Variants in SP4 observed in about 807,000 individuals in gnomAD.
The protein encoded by SP4 is Sp4 transcription factor, also known as transcription factor Sp4.
In SP4, 19 loss-of-function variants were observed where a neutral mutation model predicts 72.8. The observed-to-expected ratio is 0.26, with a 90% CI of 0.18 to 0.38. The LOEUF is 0.38. Among genes scored for constraint, SP4 ranks in the 10% least tolerant of loss-of-function variants. The pLI, the probability that SP4 is intolerant of heterozygous loss-of-function variation, is 1.00. For synonymous variants in SP4, 395 were observed against 333.1 expected (o/e 1.19, Z -2.02); for missense variants, 1,008 against 926.3 (o/e 1.09, Z -1.14).
intron 5 of SP4, among the ~76,000 whole-genome samples, chr7:21,496,583 TTC>T (rs1781713492): frequency 1.3e-5 from 2 of 152,252 alleles, no homozygotes; most frequent in African/African-American, 4.8e-5. Context: ...GTCTTTGTCT[TTC>T]AGCAGTTTGA....
At position 21,430,002 on chromosome 7, in the gene SP4, G is replaced by T. The variant is rs754415868; in HGVS notation, c.837G>T (p.Gly279=). ...TAAACAACGTGGCTGCCGGAGGAGG[G>T]ACTGGGCAGGTTGGCCAGCCTGCTG... ...PVINNVAAGG[G]TGQVGQPAAT... is the part of the protein sequence containing the mutation. Residue 279 remains glycine (G), a synonymous_variant, in exon 3 of 6, where the codon GGG becomes GGT. Transcript: ENST00000222584. The T allele has an allele frequency of 1.9e-6, 3 of 1,614,036 alleles. No homozygotes were observed. Among genetic ancestry groups the T allele is most frequent in the South Asian group, 2.2e-5 (2 of 91,080 alleles).
chr7:21,494,261 CA>C (rs1473458525), intron 5 of SP4, among the ~76,000 whole-genome samples: 1 of 152,138 alleles, frequency 6.6e-6, no homozygotes, highest in Non-Finnish European at 1.5e-5. Flanking sequence ...TCTTATTCAC[CA>C]TAGTACTGGA....
intron 3 of SP4, among the ~76,000 whole-genome samples, chr7:21,463,591 A>G (rs1193038977): frequency 1.3e-5 from 2 of 152,202 alleles, no homozygotes; most frequent in Non-Finnish European, 1.5e-5. Flanking sequence ...CAAAGTGAGG[A>G]TGAAGATTGA....
chr7:21,488,909 T>C (rs1784898575), intron 5 of SP4, among the ~76,000 whole-genome samples: 1 of 152,248 alleles, frequency 6.6e-6, no homozygotes, highest in South Asian at 2.1e-4. Context: ...TTATTGTAGA[T>C]ACTTTGCCTA....
chr7:21,489,591 G>A (rs867430742), intron 5 of SP4, among the ~76,000 whole-genome samples: 237 of 122,756 alleles, frequency 1.9e-3, no homozygotes, highest in African/African-American at 6.2e-3. Context: ...ATGGAGTCTC[G>A]CTCTGTCACC....
chr7:21,504,101 TTTC>T (rs149244356), intron 5 of SP4, among the ~76,000 whole-genome samples: 1,695 of 152,276 alleles, frequency 0.011, 25 homozygotes, highest in African/African-American at 0.038. Context: ...CATAGTCTAA[TTTC>T]TTCGTCCAGG....
chr7:21,461,626 C>G (rs1306488766), intron 3 of SP4, among the ~76,000 whole-genome samples: 3 of 152,172 alleles, frequency 2.0e-5, no homozygotes, highest in Non-Finnish European at 4.4e-5. Flanking sequence ...CGTGCCTCTC[C>G]CTCCACACCT....
At chr7:21,433,650 C>G (rs545607842) in intron 3 of SP4, among the ~76,000 whole-genome samples, 19 of 152,256 alleles carry the variant, frequency 1.2e-4, no homozygotes, top group Non-Finnish European at 5.9e-5. Flanking sequence ...TTGTAAGACA[C>G]TAAGAGTGGG....
At chr7:21,480,808 T>C (rs1428548724) in intron 4 of SP4, among the ~76,000 whole-genome samples, 1 of 152,232 alleles carries the variant, frequency 6.6e-6, no homozygotes, top group African/African-American at 2.4e-5. Context: ...TTAACTGCCT[T>C]TTGAAACCAT....
At position 21,428,667 on chromosome 7, in the gene SP4, T is replaced by C; in HGVS notation, c.8-10T>C. On this transcript the variant is annotated splice_polypyrimidine_tract_variant and intron_variant, in intron 1 of 5. Coordinates refer to ENST00000222584, the MANE Select transcript of SP4 (RefSeq NM_003112.5). ...TTGTCGTGTGTGTGTGGTGGGGGGG[T>C]TTGTTGCAGATCAGAAGAAGGAGGA... 1 of 1,518,682 alleles carries C rather than the reference T, an allele frequency of 6.6e-7. No homozygotes were observed. Among genetic ancestry groups the C allele is most frequent in the Non-Finnish European group, 8.9e-7 (1 of 1,122,514 alleles). 94.1% of individuals were successfully genotyped at this position (1,518,682 alleles called of 1,614,324 possible).
intron 3 of SP4, among the ~76,000 whole-genome samples, chr7:21,455,267 T>G (rs990238295): frequency 3.3e-5 from 5 of 152,208 alleles, no homozygotes; most frequent in African/African-American, 1.2e-4. Flanking sequence ...CCCACACCAC[T>G]TGCAATTAAC....
intron 3 of SP4, among the ~76,000 whole-genome samples, chr7:21,439,427 T>C (rs1396790158): frequency 6.6e-6 from 1 of 152,178 alleles, no homozygotes; most frequent in Non-Finnish European, 1.5e-5. Context: ...GGGCTTTTAG[T>C]GTGTGCATCA....
chr7:21,490,063 A>C lies in SP4; in HGVS notation c.2107+7940A>C, dbSNP rs193105463. Among the ~76,000 whole-genome samples, 92 of 152,356 alleles carry C rather than the reference A, an allele frequency of 6.0e-4. 2 individuals carry two copies. In the East Asian group the frequency reaches 0.012, roughly 20 times the overall value. On this transcript the variant is annotated intron_variant, in intron 5 of 5. Coordinates refer to ENST00000222584, the MANE Select transcript of SP4 (RefSeq NM_003112.5). ...AAGTTATCTACAACTTGTCTGTTCC[A>C]TTGACTACACTAAAAACTCTGGACA...
At chr7:21,508,229 C>T (rs898078452) in intron 5 of SP4, among the ~76,000 whole-genome samples, 10 of 152,130 alleles carry the variant, frequency 6.6e-5, no homozygotes, top group African/African-American at 2.4e-4. Flanking sequence ...AGACAGGCCC[C>T]CAGGTTTGTG....
chr7:21,458,410 C>T (rs749938372), intron 3 of SP4, among the ~76,000 whole-genome samples: 2 of 152,184 alleles, frequency 1.3e-5, no homozygotes, highest in African/African-American at 4.8e-5. Context: ...TCTTGAACTC[C>T]TGACCTCAGG....
At chr7:21,479,856 T>C (rs1035692577) in intron 4 of SP4, among the ~76,000 whole-genome samples, 2 of 152,242 alleles carry the variant, frequency 1.3e-5, no homozygotes, top group African/African-American at 4.8e-5. Flanking sequence ...TAAATTCCAA[T>C]TTTATTTCTG....
chr7:21,510,882 T>G (rs1447184859), intron 5 of SP4, 140 bp from the exon 6 acceptor site: 2 of 763,920 alleles, frequency 2.6e-6, no homozygotes, highest in Non-Finnish European at 4.0e-6. Context: ...TTTGATAACG[T>G]TTTTAAATAA....
chr7:21,509,627 C>T (rs1782093165), intron 5 of SP4, among the ~76,000 whole-genome samples: 1 of 151,044 alleles, frequency 6.6e-6, no homozygotes, highest in African/African-American at 2.5e-5. Flanking sequence ...TTGTTTGTAA[C>T]AATAATAAGG....
At chr7:21,504,928 T>C (rs977006841) in intron 5 of SP4, among the ~76,000 whole-genome samples, 3 of 152,050 alleles carry the variant, frequency 2.0e-5, no homozygotes, top group Admixed American at 2.0e-4. Context: ...CCCTCTTCCC[T>C]CCCCAGGTTT....
Sources: allele counts gnomAD v4.1 joint callset (sites outside exome capture counted in the v4.1 genomes callset), GRCh38; gene constraint gnomAD v4.1.1; transcripts MANE v1.5; gene names NCBI Gene and HGNC (gene_info 2026-07-23, HGNC 2026-07-21).